RPH3A: variants seen among roughly 807,000 people sequenced by gnomAD.
The protein encoded by RPH3A is rabphilin 3A.
In RPH3A, 48 loss-of-function variants were observed where a neutral mutation model predicts 102.2. The observed-to-expected ratio is 0.47, with a 90% CI of 0.37 to 0.60. The LOEUF (loss-of-function observed/expected upper bound fraction) is 0.60, where lower values mean the gene tolerates loss of function less well. Among genes scored for constraint, RPH3A ranks in the 20% least tolerant of loss-of-function variants. The pLI, the probability that RPH3A is intolerant of heterozygous loss-of-function variation, is 0.00. For synonymous variants in RPH3A, 310 were observed against 324.3 expected, an observed-to-expected ratio of 0.96 and a Z score of 0.47; for missense variants, 781 against 910.1, an observed-to-expected ratio of 0.86 and a Z score of 1.83.
At chr12:112,660,959 G>T (rs1306778639) in intron 1 of RPH3A, among the ~76,000 whole-genome samples, 1 of 152,150 alleles carries the variant, frequency 6.6e-6, no homozygotes, top group African/African-American at 2.4e-5. Flanking sequence ...CTACCAGTTG[G>T]CTTGGTACCA....
chr12:112,748,543 C>T lies in RPH3A; in HGVS notation c.-139-43600C>T, dbSNP rs966567391. Reference sequence around the variant, plus strand: ...GAGATGGGGGCCTTACTATATTGCTCGGGCTGGTCTTGAACTCCTGGCCTC... The same window carrying T: ...GAGATGGGGGCCTTACTATATTGCTTGGGCTGGTCTTGAACTCCTGGCCTC... On this transcript the variant is annotated intron_variant, in intron 1 of 21. Transcript: ENST00000543106. Among the ~76,000 whole-genome samples, 4 of 152,070 alleles carry T rather than the reference C, an allele frequency of 2.6e-5. No homozygotes were observed. In the South Asian group the frequency reaches 6.2e-4, roughly 24 times the overall value.
intron 1 of RPH3A, among the ~76,000 whole-genome samples, chr12:112,606,304 A>G (rs2039596237): frequency 2.6e-5 from 4 of 152,222 alleles, no homozygotes; most frequent in Admixed American, 2.6e-4. Context: ...GGTTAGGGCA[A>G]GTATATTAGT....
chr12:112,862,608 G>A (rs2042537895), intron 5 of RPH3A, among the ~76,000 whole-genome samples: 1 of 150,536 alleles, frequency 6.6e-6, no homozygotes, highest in Non-Finnish European at 1.5e-5. Context: ...GTGGGTGGGG[G>A]GAAAATGAGG....
At chr12:112,845,756 T>A (rs534014066) in intron 4 of RPH3A, among the ~76,000 whole-genome samples, 4 of 152,194 alleles carry the variant, frequency 2.6e-5, no homozygotes, top group Non-Finnish European at 5.9e-5. Context: ...CAGGGCCAGA[T>A]AAGGTCCGTG....
chr12:112,822,090 C>T (rs941079175), intron 2 of RPH3A, among the ~76,000 whole-genome samples: 1 of 151,386 alleles, frequency 6.6e-6, no homozygotes, highest in African/African-American at 2.5e-5. Context: ...TTTTCCACCC[C>T]ATCAAATAGT....
intron 2 of RPH3A, among the ~76,000 whole-genome samples, chr12:112,805,452 G>A (rs1182479836): frequency 6.6e-6 from 1 of 152,172 alleles, no homozygotes; most frequent in Non-Finnish European, 1.5e-5. Context: ...GTCATTCTGG[G>A]AGGAGGATGA....
At chr12:112,856,036 C>T (rs1041018660) in intron 5 of RPH3A, among the ~76,000 whole-genome samples, 5 of 152,192 alleles carry the variant, frequency 3.3e-5, no homozygotes, top group African/African-American at 1.2e-4. Context: ...GCCACTGCTT[C>T]TAAAGGCAGC....
At chr12:112,841,962 T>C in intron 4 of RPH3A, 2 of 456,086 alleles carry the variant, frequency 4.4e-6, no homozygotes, top group Non-Finnish European at 8.8e-6. Flanking sequence ...AGGTTCATGT[T>C]TGTGCAGATA....
rs1315772462 is a variant in RPH3A at position 112,678,285 on chromosome 12, GAAAGAAAGAA to G, written c.-140+102968_-140+102977del. 8.3e-4 allele frequency among the ~76,000 whole-genome samples: 67 copies of G among 80,826 alleles called. 3 individuals are homozygous for G. Among genetic ancestry groups the G allele is most frequent in the African/African-American group, 3.6e-3 (49 of 13,506 alleles). The allele number at this position is 80,826 out of a possible 152,430, so 53.0% of individuals were successfully genotyped here. The stretch of plus-strand genomic sequence containing the variant: ...AGAAAGAAAGAAAGAAAGAAAGAAA[GAAAGAAAGAA>G]AGAAAGAAAGAGAGAGAGAGAGAAA... On this transcript the variant is annotated intron_variant, in intron 1 of 21. Transcript: ENST00000543106.
At position 112,898,135 on chromosome 12, in the gene RPH3A, G is replaced by A. The variant is rs1344078573; in HGVS notation, c.*1355G>A. ...TCCTGGGAGAATCAAATAATATCAT[G>A]GCTATGGAACAGTAGAGAGAGACAG... On this transcript the variant is annotated 3_prime_UTR_variant, in exon 22 of 22. Coordinates refer to ENST00000389385, the MANE Select transcript of RPH3A (RefSeq NM_001143854.2). The A allele has an allele frequency of 6.6e-6, 1 of 152,140 alleles. No homozygotes were observed. Among genetic ancestry groups the A allele is most frequent in the Non-Finnish European group, 1.5e-5 (1 of 68,050 alleles). The allele number at this position is 152,140 out of a possible 1,614,324, so 9.4% of individuals were successfully genotyped here.
intron 1 of RPH3A, among the ~76,000 whole-genome samples, chr12:112,737,103 C>T (rs774771192): frequency 2.8e-5 from 4 of 144,260 alleles, no homozygotes; most frequent in South Asian, 2.2e-4. Flanking sequence ...TGCAGTGAGC[C>T]GAGATTGTGC....
chr12:112,883,479 C>A, intron 16 of RPH3A, 77 bp downstream of exon 16: 2 of 987,380 alleles, frequency 2.0e-6, no homozygotes, highest in Non-Finnish European at 1.6e-6. Flanking sequence ...TGGGGTGAGG[C>A]CCCCAGGGCT....
intron 1 of RPH3A, among the ~76,000 whole-genome samples, chr12:112,770,058 G>A (rs973586100): frequency 3.3e-5 from 5 of 152,220 alleles, no homozygotes; most frequent in African/African-American, 1.2e-4. Context: ...GTGTCTTGGA[G>A]TTCTTTCCAC....
chr12:112,861,856 A>G (rs1025455177), intron 5 of RPH3A, among the ~76,000 whole-genome samples: 1 of 152,066 alleles, frequency 6.6e-6, no homozygotes, highest in Non-Finnish European at 1.5e-5. Context: ...TACTAAAAAT[A>G]CAAAAAATTA....
At chr12:112,866,893 C>T in intron 7 of RPH3A, 53 bp downstream of exon 7, 1 of 1,413,944 alleles carries the variant, frequency 7.1e-7, no homozygotes, top group Non-Finnish European at 9.9e-7. Flanking sequence ...TCTTGGCCAG[C>T]TTAAGAGGTG....
chr12:112,643,163 C>T (rs1048356544), intron 1 of RPH3A, among the ~76,000 whole-genome samples: 2 of 152,148 alleles, frequency 1.3e-5, no homozygotes, highest in Admixed American at 6.5e-5. Context: ...GCCTGGCTCC[C>T]GAATCTGTGC....
chr12:112,881,960 C>A, intron 15 of RPH3A, 114 bp downstream of exon 15: 1 of 706,830 alleles, frequency 1.4e-6, no homozygotes, highest in Admixed American at 2.5e-5. Context: ...CCCAACCCCA[C>A]CTCATCCTGT....
chr12:112,735,642 C>T (rs1266888635), intron 1 of RPH3A, among the ~76,000 whole-genome samples: 3 of 152,176 alleles, frequency 2.0e-5, no homozygotes, highest in African/African-American at 7.2e-5. Context: ...ACACTTTGCA[C>T]TTGAGCCTGC....
chr12:112,774,335 TA>T (rs1223737131), intron 1 of RPH3A, among the ~76,000 whole-genome samples: 1 of 152,204 alleles, frequency 6.6e-6, no homozygotes, highest in Non-Finnish European at 1.5e-5. Flanking sequence ...CACTGACACA[TA>T]ATGTATTATG....
Sources: allele counts gnomAD v4.1 joint callset (sites outside exome capture counted in the v4.1 genomes callset), GRCh38; gene constraint gnomAD v4.1.1; transcripts MANE v1.5; gene names NCBI Gene and HGNC (gene_info 2026-07-23, HGNC 2026-07-21).